The following CACNA1G variants were observed in gnomAD, a reference collection of about 807,000 sequenced individuals.
CACNA1G encodes voltage-dependent T-type calcium channel subunit alpha-1G.
A neutral mutation model predicts 219.4 loss-of-function variants in CACNA1G; 67 were observed. The observed-to-expected ratio is 0.31, with a 90% confidence interval of 0.25 to 0.37. CACNA1G has a LOEUF of 0.37. Among genes scored for constraint, CACNA1G ranks in the 10% least tolerant of loss-of-function variants. The pLI, the probability that CACNA1G is intolerant of heterozygous loss-of-function variation, is 1.00. For missense variants in CACNA1G, 2,380 were observed against 3,231.4 expected, an observed-to-expected ratio of 0.74 and a Z score of 6.39; for synonymous variants, 1,296 against 1,345.3, an observed-to-expected ratio of 0.96 and a Z score of 0.80.
At chr17:50,609,837 G>C (rs767563555) in intron 25 of CACNA1G, 45 bp from the exon 26 acceptor site, 3 of 1,587,924 alleles carry the variant, frequency 1.9e-6, no homozygotes, top group Non-Finnish European at 8.6e-7. Flanking sequence ...CCTGCCCAGC[G>C]CACCTGGTCC....
intron 1 of CACNA1G, among the ~76,000 whole-genome samples, chr17:50,567,727 C>G (rs759398607): frequency 6.6e-6 from 1 of 152,140 alleles, no homozygotes; most frequent in Non-Finnish European, 1.5e-5. Context: ...CTCATATTTT[C>G]CTTAAAGAAA....
Position 50,617,734 on chromosome 17 carries a change from G to A in CACNA1G, c.5156-125G>A. 7.0e-7 allele frequency: 1 copy of A among 1,419,030 alleles called. No individual in the cohort carries two copies. Among genetic ancestry groups the A allele is most frequent in the South Asian group, 1.2e-5 (1 of 80,614 alleles). 87.9% of individuals were successfully genotyped at this position (1,419,030 alleles called of 1,614,324 possible). ...GGCTGGAGACAGGGCTGAGGATGGG[G>A]ATGCAACCTGGCTGGCCCGGAGATG... On this transcript the variant is annotated intron_variant, in intron 29 of 37. Coordinates refer to ENST00000359106, the MANE Select transcript of CACNA1G (RefSeq NM_018896.5). This position sits in a 1 kb window ranked among gnomAD's most constrained non-coding sequence, Gnocchi z 5.8.
rs911183622 is a variant in CACNA1G at position 50,603,659 on chromosome 17, G to A, written c.4169+460G>A. ...CCCGGTGACATTTCTCCTGACCAGG[G>A]ATCCACCCTCTCAGGAATCCCTTTC... On this transcript the variant is annotated intron_variant, in intron 21 of 37. Transcript: ENST00000359106. This position sits in a 1 kb window ranked among gnomAD's most constrained non-coding sequence, Gnocchi z 6.4. 2.7e-5 allele frequency among the ~76,000 whole-genome samples: 4 copies of A among 150,078 alleles called. No individual in the cohort carries two copies. Among genetic ancestry groups the A allele is most frequent in the Non-Finnish European group, 5.9e-5 (4 of 67,676 alleles).
chr17:50,575,900 C>T lies in CACNA1G; in HGVS notation c.1498C>T (p.His500Tyr). The change falls in exon 8 of 38, where the codon CAC becomes TAC. Residue 500 changes from histidine (H) to tyrosine (Y), a missense_variant. By Grantham distance (83) the His-to-Tyr change is moderately conservative. Around this residue, in one of 17 missense-constraint regions of CACNA1G, gnomAD observed 434 missense variants for 417.3 expected, o/e 1.04. Coordinates refer to ENST00000359106, the MANE Select transcript of CACNA1G (RefSeq NM_018896.5). ...SVHHLVHHHH[H>Y]HHHHYHLGNG... ...CCACCACCTGGTGCACCACCACCAC[C>T]ACCATCACCACCACTACCACCTGGG... 6.4e-7 allele frequency: 1 copy of T among 1,557,494 alleles called. No individual in the cohort carries two copies. The highest frequency in any genetic ancestry group is 8.7e-7 in the Non-Finnish European group (1 of 1,151,698).
chr17:50,580,916 G>C (rs183256554), intron 9 of CACNA1G, among the ~76,000 whole-genome samples: 3 of 152,150 alleles, frequency 2.0e-5, no homozygotes, highest in Non-Finnish European at 4.4e-5. Context: ...GGGCCCTGGA[G>C]CCTGAGCAGG....
At chr17:50,564,952 G>C (rs899549472) in intron 1 of CACNA1G, among the ~76,000 whole-genome samples, 1 of 151,990 alleles carries the variant, frequency 6.6e-6, no homozygotes, top group Non-Finnish European at 1.5e-5. Context: ...CTGCTCCACC[G>C]CTCTGCTGGG....
At chr17:50,581,564 A>G (rs994770007) in intron 9 of CACNA1G, among the ~76,000 whole-genome samples, 2 of 151,634 alleles carry the variant, frequency 1.3e-5, no homozygotes, top group Non-Finnish European at 2.9e-5. Context: ...CTACCCCACC[A>G]TCCTCCTGAC....
Position 50,604,938 on chromosome 17 carries a change from A to G in CACNA1G, c.4296+657A>G, listed in dbSNP as rs987419069. On this transcript the variant is annotated intron_variant, in intron 22 of 37. Transcript: ENST00000359106. ...AGCGTGGGAGCCCCTGGGTGGCTAC[A>G]CCCTCCCCTCCCCGCCCCTCGTTCC... Among the ~76,000 whole-genome samples, 7 of 151,296 alleles carry G rather than the reference A, an allele frequency of 4.6e-5. No homozygotes were observed. The East Asian group carries it at 1.4e-3, about 29-fold the overall frequency.
rs1305169861 is a variant in CACNA1G at position 50,561,075 on chromosome 17, C to T, written c.-385C>T. 7.3e-6 allele frequency: 3 copies of T among 412,194 alleles called. No homozygotes were observed. The highest frequency in any genetic ancestry group is 5.1e-5 in the South Asian group (3 of 58,384). The allele number at this position is 412,194 out of a possible 1,614,324, so 25.5% of individuals were successfully genotyped here. ...GCGCCCCTCCCCGGACCCCCGCCCTCCGCCGCTGCCCCCCTTTTCGTTCGC... is the reference window on the plus strand; with the variant it reads ...GCGCCCCTCCCCGGACCCCCGCCCTTCGCCGCTGCCCCCCTTTTCGTTCGC... On this transcript the variant is annotated 5_prime_UTR_variant, in exon 1 of 38. Coordinates refer to ENST00000359106, the MANE Select transcript of CACNA1G (RefSeq NM_018896.5).
At chr17:50,615,593 A>G in intron 27 of CACNA1G, 81 bp downstream of exon 27, 1 of 1,496,384 alleles carries the variant, frequency 6.7e-7, no homozygotes, top group South Asian at 1.3e-5. Flanking sequence ...AGCCTGAGCC[A>G]GGGTACCTCT....
At chr17:50,594,205 G>A (rs952967786) in intron 13 of CACNA1G, among the ~76,000 whole-genome samples, 11 of 152,158 alleles carry the variant, frequency 7.2e-5, no homozygotes, top group Admixed American at 6.5e-4. Flanking sequence ...GACTTGCAGG[G>A]GGCAGCGCCC....
chr17:50,562,334 C>T (rs2036059068), intron 1 of CACNA1G, among the ~76,000 whole-genome samples: 1 of 152,166 alleles, frequency 6.6e-6, no homozygotes, highest in Non-Finnish European at 1.5e-5. Context: ...TCACCCCCCA[C>T]CTCGCGGGTT....
intron 25 of CACNA1G, among the ~76,000 whole-genome samples, chr17:50,608,932 C>T (rs1001976670): frequency 9.8e-5 from 15 of 152,306 alleles, no homozygotes; most frequent in Admixed American, 4.6e-4. Context: ...TCACGGCCCA[C>T]GTCTCTCTAA....
rs2041132493 is a variant in CACNA1G at position 50,578,168 on chromosome 17, C to T, written c.1925-20C>T. 1 of 1,535,680 alleles carries T rather than the reference C, an allele frequency of 6.5e-7. No homozygotes were observed. On this transcript the variant is annotated intron_variant, in intron 8 of 37. Coordinates refer to ENST00000359106, the MANE Select transcript of CACNA1G (RefSeq NM_018896.5). The surrounding 1 kb of genome is among the most constrained non-coding windows in gnomAD (Gnocchi z 4.5). Reference sequence around the variant, plus strand: ...AGGTACGAGACTCTGGAGCCTCTCACCTCTACTCTCCTGTTCCAGGTGCCT... The same window carrying T: ...AGGTACGAGACTCTGGAGCCTCTCATCTCTACTCTCCTGTTCCAGGTGCCT...
Position 50,617,982 on chromosome 17 carries a change from A to G in CACNA1G, c.5226+53A>G. ...GAGGGGGAGGTGCTTTCCAGAGGGA[A>G]GGGGCTCAGAGAAGCTGACTGGGAG... On this transcript the variant is annotated intron_variant, in intron 30 of 37. Transcript: ENST00000359106. This position sits in a 1 kb window ranked among gnomAD's most constrained non-coding sequence, Gnocchi z 5.8. 2 of 1,612,288 alleles carry G rather than the reference A, an allele frequency of 1.2e-6. No individual in the cohort carries two copies. Among genetic ancestry groups the G allele is most frequent in the Non-Finnish European group, 1.7e-6 (2 of 1,178,492 alleles).
chr17:50,592,920 G>A (rs779957907), intron 13 of CACNA1G, among the ~76,000 whole-genome samples: 3 of 152,162 alleles, frequency 2.0e-5, no homozygotes, highest in Non-Finnish European at 2.9e-5. Context: ...CCTGGCACAC[G>A]GTGGAAAAAC....
In CACNA1G at chr17:50,590,029, C is replaced by T. The variant is rs138083151; in HGVS notation, c.2302-442C>T. ...CAGAGTAATTGTGGAATACATGTGA[C>T]GTTGTGTGGGGCTTGACGACCGGGT... is the stretch of plus-strand genomic sequence containing the variant. On this transcript the variant is annotated intron_variant, in intron 9 of 37. Coordinates refer to ENST00000359106, the MANE Select transcript of CACNA1G (RefSeq NM_018896.5). Among the ~76,000 whole-genome samples, 10 of 151,938 alleles carry T rather than the reference C, an allele frequency of 6.6e-5. No homozygotes were observed. In the East Asian group the frequency reaches 1.6e-3, roughly 24 times the overall value.
chr17:50,576,172 T>C lies in CACNA1G; in HGVS notation c.1770T>C (p.Tyr590=), dbSNP rs371469389. 52 of 1,610,234 alleles carry C rather than the reference T, an allele frequency of 3.2e-5. No homozygotes were observed. The Admixed American group carries it at 4.2e-4, about 13-fold the overall frequency. The change falls in exon 8 of 38, where the codon TAT becomes TAC. Residue 590 remains tyrosine (Y), a synonymous_variant. Coordinates refer to ENST00000359106, the MANE Select transcript of CACNA1G (RefSeq NM_018896.5). ...SGRTVGSGKV[Y]PTVHTSPPPE... is the part of the protein sequence containing the mutation. ...GGACTGTGGGCAGCGGGAAGGTGTA[T>C]CCCACCGTGCACACCAGCCCTCCAC... is the stretch of plus-strand genomic sequence containing the variant.
rs1333461389 is a variant in CACNA1G at position 50,578,337 on chromosome 17, G to A, written c.2074G>A (p.Ala692Thr). 2 of 1,613,156 alleles carry A rather than the reference G, an allele frequency of 1.2e-6. No individual in the cohort carries two copies. The highest frequency in any genetic ancestry group is 2.7e-5 in the African/African-American group (2 of 74,904). Reference protein sequence around the residue: ...DREMPDSDSEAVYEFTQDAQH... With the variant: ...DREMPDSDSETVYEFTQDAQH... ...TGAAATGCCTGACTCAGACAGCGAG[G>A]CAGTTTATGAGTTCACACAGGATGC... is the stretch of plus-strand genomic sequence containing the variant. Residue 692 changes from alanine (A) to threonine (T), a missense_variant, in exon 9 of 38, where the codon GCA becomes ACA. This residue lies in a region of CACNA1G where 434 missense variants were observed against 417.3 expected (regional missense o/e 1.04). Coordinates refer to ENST00000359106, the MANE Select transcript of CACNA1G (RefSeq NM_018896.5). This position sits in a 1 kb window ranked among gnomAD's most constrained non-coding sequence, Gnocchi z 4.5.
Sources: gnomAD v4.1 joint callset for allele counts (sites outside exome capture counted in the v4.1 genomes callset) on GRCh38, gnomAD v4.1.1 for gene constraint, gnomAD v4.1.1 regional missense constraint, Gnocchi (gnomAD v3.1) non-coding constraint, MANE v1.5 for transcripts, NCBI Gene and HGNC (gene_info 2026-07-23, HGNC 2026-07-21) for gene names.